Variants in ZNF704 observed in about 807,000 individuals in gnomAD.
ZNF704 encodes zinc finger protein 704.
In ZNF704, 10 loss-of-function variants were observed where a neutral mutation model predicts 44.7. The ratio of observed to expected loss-of-function variants is 0.22; its 90% CI spans 0.14 to 0.38. The LOEUF is 0.38. Among genes scored for constraint, ZNF704 ranks in the 10% least tolerant of loss-of-function variants. The pLI is 1.00. For missense variants in ZNF704, 390 were observed against 545.5 expected (o/e 0.71, Z 2.84); for synonymous variants, 211 against 207.6 (o/e 1.02, Z -0.14).
At chr8:80,715,188 C>T (rs988413199) in intron 2 of ZNF704, among the ~76,000 whole-genome samples, 2 of 152,172 alleles carry the variant, frequency 1.3e-5, no homozygotes, top group Non-Finnish European at 2.9e-5. Context: ...AGCAGAAATA[C>T]AGGATGCATT....
chr8:80,696,626 C>G (rs1818729836), intron 2 of ZNF704, among the ~76,000 whole-genome samples: 1 of 152,178 alleles, frequency 6.6e-6, no homozygotes, highest in South Asian at 2.1e-4. Flanking sequence ...CCATGTTGAC[C>G]ACGCTGGTCT....
At chr8:80,858,358 G>A (rs1404532461) in intron 1 of ZNF704, among the ~76,000 whole-genome samples, 1 of 152,178 alleles carries the variant, frequency 6.6e-6, no homozygotes, top group East Asian at 1.9e-4. Flanking sequence ...AAACTTTGAT[G>A]ATGCATTTTC....
chr8:80,658,813 A>C (rs549544452), intron 7 of ZNF704: 2 of 152,342 alleles, frequency 1.3e-5, no homozygotes, highest in Admixed American at 1.3e-4. Context: ...GTTGACAATA[A>C]GAAGCTTTTG....
rs560163063 is a variant in ZNF704 at position 80,767,683 on chromosome 8, C to T, written c.221+53691G>A. Among the ~76,000 whole-genome samples the T allele has an allele frequency of 1.4e-4, 22 of 152,288 alleles. 1 individual carries two copies. In the South Asian group the frequency reaches 4.6e-3, roughly 32 times the overall value. On this transcript the variant is annotated intron_variant, in intron 2 of 8. Coordinates refer to ENST00000327835, the MANE Select transcript of ZNF704 (RefSeq NM_001033723.3). ...TAAACTTATTGATACTAAGCAGCTA[C>T]AATCCAATACTCCAAAGAGGCAGTT...
intron 2 of ZNF704, among the ~76,000 whole-genome samples, chr8:80,759,799 A>G (rs1282538344): frequency 6.6e-6 from 1 of 151,626 alleles, no homozygotes; most frequent in Non-Finnish European, 1.5e-5. Flanking sequence ...TCTGTTTCCC[A>G]GACTGGAGTG....
At chr8:80,748,822 C>CA (rs1001515929) in intron 2 of ZNF704, among the ~76,000 whole-genome samples, 1 of 152,180 alleles carries the variant, frequency 6.6e-6, no homozygotes, top group Non-Finnish European at 1.5e-5. Context: ...AGTTCTGAGA[C>CA]ATGTTCTCCA....
intron 2 of ZNF704, among the ~76,000 whole-genome samples, chr8:80,735,482 A>G (rs1806651095): frequency 6.6e-6 from 1 of 152,236 alleles, no homozygotes; most frequent in East Asian, 1.9e-4. Context: ...AAAATCTTCT[A>G]AAGTTCCCAC....
intron 1 of ZNF704, among the ~76,000 whole-genome samples, chr8:80,864,456 C>T (rs1226740193): frequency 6.6e-6 from 1 of 152,146 alleles, no homozygotes; most frequent in African/African-American, 2.4e-5. Context: ...TAGTCAGTAA[C>T]TTTTACATAT....
chr8:80,648,538 G>C (rs1381965900), intron 7 of ZNF704, among the ~76,000 whole-genome samples: 1 of 152,088 alleles, frequency 6.6e-6, no homozygotes, highest in Non-Finnish European at 1.5e-5. Context: ...CAGGCAAGTA[G>C]GTTATCTATT....
At chr8:80,714,089 C>T (rs1039155082) in intron 2 of ZNF704, among the ~76,000 whole-genome samples, 12 of 152,160 alleles carry the variant, frequency 7.9e-5, no homozygotes, top group Non-Finnish European at 1.6e-4. Context: ...TCTCCTTCTC[C>T]GTAACAAGCG....
chr8:80,804,071 T>C (rs986698651), intron 2 of ZNF704, among the ~76,000 whole-genome samples: 1 of 151,846 alleles, frequency 6.6e-6, no homozygotes, highest in Admixed American at 6.6e-5. Flanking sequence ...AACAAACATA[T>C]GAAAAAAAAC....
intron 2 of ZNF704, among the ~76,000 whole-genome samples, chr8:80,742,338 T>G (rs1040721739): frequency 6.6e-6 from 1 of 152,118 alleles, no homozygotes; most frequent in African/African-American, 2.4e-5. Context: ...TTTCCTCCCC[T>G]CAGGATGGCT....
intron 8 of ZNF704, among the ~76,000 whole-genome samples, chr8:80,642,431 T>C (rs558203720): frequency 6.6e-6 from 1 of 152,254 alleles, no homozygotes; most frequent in East Asian, 1.9e-4. Context: ...TTACAGTCAA[T>C]CTAATGGGCG....
At chr8:80,851,282 A>G (rs1418968586) in intron 1 of ZNF704, among the ~76,000 whole-genome samples, 1 of 152,200 alleles carries the variant, frequency 6.6e-6, no homozygotes, top group African/African-American at 2.4e-5. Context: ...GTATGTTTAT[A>G]GCAGCACTAT....
At chr8:80,831,298 AT>A (rs1204465523) in intron 1 of ZNF704, among the ~76,000 whole-genome samples, 1 of 152,080 alleles carries the variant, frequency 6.6e-6, no homozygotes, top group African/African-American at 2.4e-5. Flanking sequence ...GATGAGGGAC[AT>A]TTTTCTGATC....
intron 1 of ZNF704, among the ~76,000 whole-genome samples, chr8:80,870,915 C>T (rs1809240943): frequency 6.6e-6 from 1 of 152,160 alleles, no homozygotes; most frequent in Non-Finnish European, 1.5e-5. Flanking sequence ...AAACAGAAAA[C>T]CTGATTTTTG....
chr8:80,660,315 A>T (rs1397226367), intron 6 of ZNF704, among the ~76,000 whole-genome samples: 1 of 151,884 alleles, frequency 6.6e-6, no homozygotes, highest in Admixed American at 6.6e-5. Context: ...TACTAAAATT[A>T]AAAAAAATTA....
intron 7 of ZNF704, among the ~76,000 whole-genome samples, chr8:80,655,586 C>G (rs954585176): frequency 2.0e-5 from 3 of 152,116 alleles, no homozygotes; most frequent in African/African-American, 7.2e-5. Flanking sequence ...GTGAACGACA[C>G]AACTCTAAGA....
chr8:80,870,433 G>A (rs1302808568), intron 1 of ZNF704, among the ~76,000 whole-genome samples: 1 of 152,082 alleles, frequency 6.6e-6, no homozygotes, highest in Non-Finnish European at 1.5e-5. Context: ...CCTACTCCAA[G>A]CACATCACTC....
Sources: gnomAD v4.1 joint callset for allele counts (sites outside exome capture counted in the v4.1 genomes callset) on GRCh38, gnomAD v4.1.1 for gene constraint, MANE v1.5 for transcripts, NCBI Gene and HGNC (gene_info 2026-07-23, HGNC 2026-07-21) for gene names.